Variants in RALGAPB observed in about 807,000 individuals in gnomAD.
RALGAPB encodes the protein ral GTPase-activating protein subunit beta.
A neutral mutation model predicts 161.1 loss-of-function variants in RALGAPB; 25 were observed. The ratio of observed to expected loss-of-function variants is 0.16; its 90% CI spans 0.11 to 0.22. The LOEUF (loss-of-function observed/expected upper bound fraction) is 0.22. Ranked by LOEUF, RALGAPB falls within the 10% of genes least tolerant of loss-of-function variation. RALGAPB has a pLI of 1.00. For missense variants in RALGAPB, 1,391 were observed against 1,815.2 expected (o/e 0.77, Z 4.25); for synonymous variants, 629 against 626.1 (o/e 1.00, Z -0.07).
At position 38,499,761 on chromosome 20, in the gene RALGAPB, A is replaced by C. The variant is rs1483136404; in HGVS notation, c.740+128A>C. On this transcript the variant is annotated intron_variant, in intron 5 of 29. Coordinates refer to ENST00000262879, the MANE Select transcript of RALGAPB (RefSeq NM_020336.4). Reference sequence around the variant, plus strand: ...TGTACTTTAGATACAGAATTGAGCCACTTTTTAAATATAGATATAACAGTT... The same window carrying C: ...TGTACTTTAGATACAGAATTGAGCCCCTTTTTAAATATAGATATAACAGTT... 6.1e-6 allele frequency: 5 copies of C among 822,382 alleles called. No individual in the cohort carries two copies. In the East Asian group the frequency reaches 1.6e-4, roughly 26 times the overall value. The allele number at this position is 822,382 out of a possible 1,614,324, so 50.9% of individuals were successfully genotyped here.
chr20:38,524,298 A>G (rs776920675), intron 10 of RALGAPB, among the ~76,000 whole-genome samples: 1 of 152,208 alleles, frequency 6.6e-6, no homozygotes, highest in Non-Finnish European at 1.5e-5. Context: ...ACAAAAATGT[A>G]AACACACCTT....
intron 10 of RALGAPB, among the ~76,000 whole-genome samples, chr20:38,522,447 G>A (rs1220670221): frequency 1.3e-5 from 2 of 152,068 alleles, no homozygotes; most frequent in African/African-American, 4.8e-5. Context: ...CTCTCTTTCT[G>A]ATCTCTCTTT....
intron 13 of RALGAPB, among the ~76,000 whole-genome samples, chr20:38,529,529 A>T (rs909436017): frequency 7.9e-5 from 12 of 151,586 alleles, no homozygotes; most frequent in African/African-American, 2.7e-4. Context: ...AAAAAAAAAA[A>T]TAAAATAAAA....
intron 6 of RALGAPB, among the ~76,000 whole-genome samples, chr20:38,511,825 G>A (rs554932400): frequency 6.6e-6 from 1 of 152,200 alleles, no homozygotes; most frequent in Non-Finnish European, 1.5e-5. Context: ...ATCATGGCCC[G>A]TTCTCAATGA....
In RALGAPB at chr20:38,569,863, C is replaced by G. The variant is rs370290056; in HGVS notation, c.3955-25C>G. 20 of 1,582,990 alleles carry G rather than the reference C, an allele frequency of 1.3e-5. No homozygotes were observed. The highest frequency in any genetic ancestry group is 4.5e-5 in the East Asian group (2 of 44,700). On this transcript the variant is annotated intron_variant, in intron 26 of 29. Coordinates refer to ENST00000262879, the MANE Select transcript of RALGAPB (RefSeq NM_020336.4). ...TTTTGTTGCTGTTGTTTTTCCCGCT[C>G]TCTGTCTTCTTCTTCTTCATGTAGC...
intron 6 of RALGAPB, among the ~76,000 whole-genome samples, chr20:38,510,548 C>T (rs1356987089): frequency 6.6e-6 from 1 of 152,106 alleles, no homozygotes; most frequent in Non-Finnish European, 1.5e-5. Context: ...CTCAACGAAA[C>T]CTTCTGGGGT....
rs185462581 is a variant in RALGAPB at position 38,547,944 on chromosome 20, C to G, written c.2903-745C>G. On this transcript the variant is annotated intron_variant, in intron 19 of 29. Transcript: ENST00000262879. ...CTTTTTCCAGCTTTTTAAAGACTCT[C>G]CTACTTTCATTCCAAATAATTTCAT... 3 of 152,286 alleles carry G rather than the reference C, an allele frequency of 2.0e-5. No homozygotes were observed. In the East Asian group the frequency reaches 5.8e-4, roughly 29 times the overall value. The allele number at this position is 152,286 out of a possible 1,614,324, so 9.4% of individuals were successfully genotyped here. A position where few individuals can be genotyped will look rare whatever the true frequency, so the allele number is the denominator to read the frequency against.
intron 3 of RALGAPB, among the ~76,000 whole-genome samples, chr20:38,495,474 C>T (rs549463447): frequency 2.2e-4 from 33 of 152,232 alleles, no homozygotes; most frequent in Non-Finnish European, 3.5e-4. Context: ...TATAATTAGT[C>T]AGTTCTGCTG....
chr20:38,501,757 A>T (rs189673087), intron 5 of RALGAPB, among the ~76,000 whole-genome samples: 106 of 152,300 alleles, frequency 7.0e-4, no homozygotes, highest in Middle Eastern at 6.8e-3. Context: ...ATGTATTTGA[A>T]CTGTGTGGGT....
chr20:38,486,348 G>C (rs1463722219), intron 1 of RALGAPB, among the ~76,000 whole-genome samples: 2 of 152,096 alleles, frequency 1.3e-5, no homozygotes, highest in Non-Finnish European at 2.9e-5. Context: ...AATACATTTA[G>C]AGAATGAAAA....
At chr20:38,489,326 A>G (rs1600839378) in intron 2 of RALGAPB, among the ~76,000 whole-genome samples, 1 of 152,166 alleles carries the variant, frequency 6.6e-6, no homozygotes, top group Non-Finnish European at 1.5e-5. Context: ...CTACAGACAC[A>G]TGCCACCACG....
intron 17 of RALGAPB, among the ~76,000 whole-genome samples, chr20:38,540,511 T>C (rs1302389398): frequency 6.6e-6 from 1 of 152,260 alleles, no homozygotes; most frequent in Non-Finnish European, 1.5e-5. Flanking sequence ...TGGATATTTA[T>C]AGAAACCTTT....
At chr20:38,566,689 C>T (rs1303111263) in intron 25 of RALGAPB, among the ~76,000 whole-genome samples, 6 of 152,152 alleles carry the variant, frequency 3.9e-5, no homozygotes. Flanking sequence ...TGGCACAATG[C>T]TACATGATTG....
rs543449976 is a variant in RALGAPB, at chr20:38,554,225, G to C, written c.3372+149G>C. The C allele has an allele frequency of 1.2e-5, 9 of 775,460 alleles. No individual in the cohort carries two copies. In the East Asian group the frequency reaches 2.1e-4, roughly 18 times the overall value. The allele number at this position is 775,460 out of a possible 1,614,324, so 48.0% of individuals were successfully genotyped here. A position where few individuals can be genotyped will look rare whatever the true frequency, so the allele number is the denominator to read the frequency against. On this transcript the variant is annotated intron_variant, in intron 22 of 29. Coordinates refer to ENST00000262879, the MANE Select transcript of RALGAPB (RefSeq NM_020336.4). ...CCTGCATACAAATAAATGAAATTCTGTGCTGCTGTAGGTTATAGTTTGTGC... is the reference window on the plus strand; with the variant it reads ...CCTGCATACAAATAAATGAAATTCTCTGCTGCTGTAGGTTATAGTTTGTGC...
intron 28 of RALGAPB, among the ~76,000 whole-genome samples, chr20:38,571,606 T>G (rs2088243349): frequency 6.6e-6 from 1 of 152,224 alleles, no homozygotes; most frequent in Admixed American, 6.5e-5. Context: ...TATTCGTCCA[T>G]TGATGGATAT....
rs372563346 is a variant in RALGAPB, at chr20:38,553,881, C to A, written c.3177C>A (p.His1059Gln). Residue 1059 changes from histidine (H) to glutamine (Q), a missense_variant, in exon 22 of 30, where the codon CAC becomes CAA. Physicochemically the swap from His to Gln is conservative, Grantham distance 24 (BLOSUM62 0). This residue lies in a region of RALGAPB where 436 missense variants were observed against 527.0 expected (regional missense o/e 0.83). Transcript: ENST00000262879. ...GTTTATTACAGTTAGAAGAGAGACA[C>A]GAAAAATTAAGGAGTGGCATGGCCC... is the stretch of plus-strand genomic sequence containing the variant. ...EIVTEELEER[H>Q]EKLRSGMAQQ... is the part of the protein sequence containing the mutation. 52 of 1,607,672 alleles carry A rather than the reference C, an allele frequency of 3.2e-5. No homozygotes were observed. Among genetic ancestry groups the A allele is most frequent in the Non-Finnish European group, 4.2e-5 (49 of 1,176,530 alleles).
rs570236842 is a variant in RALGAPB, at chr20:38,541,860, G to C, written c.2714+668G>C. On this transcript the variant is annotated intron_variant, in intron 18 of 29. Transcript: ENST00000262879. ...TCTTGAGGAAAATGACACTGGACCTGACTCTGGGAGGATGGGTCAAGTTTG... is the reference window on the plus strand; with the variant it reads ...TCTTGAGGAAAATGACACTGGACCTCACTCTGGGAGGATGGGTCAAGTTTG... 2.6e-5 allele frequency among the ~76,000 whole-genome samples: 4 copies of C among 152,318 alleles called. No individual in the cohort carries two copies. In the East Asian group the frequency reaches 7.7e-4, roughly 29 times the overall value.
intron 5 of RALGAPB, among the ~76,000 whole-genome samples, chr20:38,502,078 CAT>C (rs201691154): frequency 1.3e-4 from 20 of 152,188 alleles, no homozygotes; most frequent in East Asian, 1.9e-4. Flanking sequence ...TGTAAACAAA[CAT>C]AAAAGCTGCA....
At chr20:38,540,949 A>G in intron 17 of RALGAPB, 92 bp from the exon 18 acceptor site, 1 of 1,419,044 alleles carries the variant, frequency 7.0e-7, no homozygotes, top group Non-Finnish European at 9.6e-7. Flanking sequence ...CCTTCCACCA[A>G]AACGCAACCA....
Sources: allele counts gnomAD v4.1 joint callset (sites outside exome capture counted in the v4.1 genomes callset), GRCh38; gene constraint gnomAD v4.1.1; regional missense constraint gnomAD v4.1.1; transcripts MANE v1.5; gene names NCBI Gene and HGNC (gene_info 2026-07-23, HGNC 2026-07-21).